CNTN6: variants seen among roughly 807,000 people sequenced by gnomAD.
CNTN6 encodes contactin 6, also known as contactin-6.
A neutral mutation model predicts 122.8 loss-of-function variants in CNTN6; 137 were observed. That is an observed-to-expected ratio of 1.12 (90% CI 0.97 to 1.29). The LOEUF (loss-of-function observed/expected upper bound fraction) is 1.29, where lower values mean the gene tolerates loss of function less well. Ranked by LOEUF, CNTN6 falls within the 50% of genes most tolerant of loss-of-function variation. CNTN6 has a pLI of 0.00. For synonymous variants in CNTN6, 570 were observed against 426.0 expected, an observed-to-expected ratio of 1.34 and a Z score of -4.16; for missense variants, 1,634 against 1,223.4, an observed-to-expected ratio of 1.34 and a Z score of -5.01.
At chr3:1,181,103 G>C (rs1396030403) in intron 2 of CNTN6, among the ~76,000 whole-genome samples, 1 of 152,078 alleles carries the variant, frequency 6.6e-6, no homozygotes, top group Non-Finnish European at 1.5e-5. Context: ...TCCCTGCCTA[G>C]TGTATGACCT....
intron 20 of CNTN6, among the ~76,000 whole-genome samples, chr3:1,386,877 G>C (rs370235687): frequency 1.3e-5 from 2 of 152,088 alleles, no homozygotes; most frequent in African/African-American, 4.8e-5. Flanking sequence ...TGAAAATAAA[G>C]TTATATTAAA....
chr3:1,325,683 C>T (rs756578900), intron 8 of CNTN6, 132 bp from the exon 9 acceptor site: 124 of 798,688 alleles, frequency 1.6e-4, no homozygotes, highest in Middle Eastern at 2.5e-4. Context: ...TCCCCTCCCT[C>T]AAATCGTGTG....
intron 4 of CNTN6, among the ~76,000 whole-genome samples, chr3:1,243,266 T>A (rs1326439442): frequency 4.6e-5 from 7 of 152,168 alleles, no homozygotes; most frequent in Non-Finnish European, 8.8e-5. Flanking sequence ...TTTCTGGCAC[T>A]TGTAGCAAGC....
rs552295885 is a variant in CNTN6, at chr3:1,308,047, GAAT to G, written c.761+10060_761+10062del. Among the ~76,000 whole-genome samples the G allele has an allele frequency of 5.7e-3, 869 of 152,178 alleles. 4 individuals are homozygous for G. The highest frequency in any genetic ancestry group is 6.9e-3 in the Admixed American group (105 of 15,266). On this transcript the variant is annotated intron_variant, in intron 7 of 22. Transcript: ENST00000446702. ...AGAGTGTTGTGCTTCACCTTCTGCA[GAAT>G]AATGAGACTATAGAATTCTTCTACC...
At chr3:1,335,222 G>A (rs531001266) in intron 11 of CNTN6, among the ~76,000 whole-genome samples, 5 of 152,204 alleles carry the variant, frequency 3.3e-5, no homozygotes, top group African/African-American at 7.2e-5. Context: ...TTTTATGTCC[G>A]GAATGACAGG....
intron 5 of CNTN6, among the ~76,000 whole-genome samples, chr3:1,294,630 G>A (rs1456781983): frequency 6.6e-6 from 1 of 152,150 alleles, no homozygotes; most frequent in African/African-American, 2.4e-5. Flanking sequence ...TTGATGTTCA[G>A]TAAAAACAAT....
At chr3:1,153,883 G>C (rs910721377) in intron 2 of CNTN6, among the ~76,000 whole-genome samples, 1 of 152,152 alleles carries the variant, frequency 6.6e-6, no homozygotes, top group African/African-American at 2.4e-5. Context: ...AGCACATACT[G>C]GATATTCCTT....
At chr3:1,239,121 C>A (rs1403761771) in intron 4 of CNTN6, among the ~76,000 whole-genome samples, 1 of 152,114 alleles carries the variant, frequency 6.6e-6, no homozygotes, top group African/African-American at 2.4e-5. Flanking sequence ...GATAGGGATG[C>A]CCACTTTCAC....
At chr3:1,343,511 G>A (rs938643763) in intron 11 of CNTN6, among the ~76,000 whole-genome samples, 2 of 152,064 alleles carry the variant, frequency 1.3e-5, no homozygotes, top group Non-Finnish European at 2.9e-5. Flanking sequence ...ATCGCTTTCT[G>A]TTAGGGGACT....
chr3:1,241,426 G>C (rs1467273927), intron 4 of CNTN6, among the ~76,000 whole-genome samples: 1 of 151,986 alleles, frequency 6.6e-6, no homozygotes, highest in Non-Finnish European at 1.5e-5. Context: ...CTTGTGGTGA[G>C]GGGTGATATT....
chr3:1,285,133 G>A (rs1208956208), intron 5 of CNTN6, among the ~76,000 whole-genome samples: 1 of 152,168 alleles, frequency 6.6e-6, no homozygotes, highest in Non-Finnish European at 1.5e-5. Flanking sequence ...GAGAGAGAAT[G>A]GTGACTTGGA....
At chr3:1,298,142 C>G (rs1223580793) in intron 7 of CNTN6, 151 bp downstream of exon 7, 2 of 603,560 alleles carry the variant, frequency 3.3e-6, no homozygotes, top group Non-Finnish European at 5.8e-6. Context: ...TGAATTTAAA[C>G]AAACATGTCT....
intron 20 of CNTN6, among the ~76,000 whole-genome samples, chr3:1,396,903 A>G (rs750591071): frequency 7.2e-5 from 11 of 152,202 alleles, no homozygotes; most frequent in Non-Finnish European, 5.9e-5. Flanking sequence ...GTGGTGACTG[A>G]AAAAATTCTG....
At chr3:1,135,613 CT>C (rs987529952) in intron 1 of CNTN6, among the ~76,000 whole-genome samples, 5 of 152,140 alleles carry the variant, frequency 3.3e-5, no homozygotes, top group Non-Finnish European at 7.4e-5. Context: ...CATAAATACA[CT>C]GTATATACAC....
chr3:1,098,645 A>G (rs1224106779), intron 1 of CNTN6, among the ~76,000 whole-genome samples: 1 of 151,150 alleles, frequency 6.6e-6, no homozygotes, highest in Non-Finnish European at 1.5e-5. Context: ...TAAACTCAAC[A>G]TCATGTCTGC....
At chr3:1,150,765 C>T (rs1265143376) in intron 2 of CNTN6, among the ~76,000 whole-genome samples, 1 of 152,040 alleles carries the variant, frequency 6.6e-6, no homozygotes, top group African/African-American at 2.4e-5. Context: ...CTACTTGATA[C>T]AGTAAAGTGG....
rs374599521 is a variant in CNTN6, at chr3:1,227,969, C to T, written c.334C>T (p.Arg112Trp). The change falls in exon 4 of 23, where the codon CGG (arginine) becomes TGG (tryptophan). Residue 112 changes from arginine (R) to tryptophan (W), a missense_variant. Transcript: ENST00000446702. ...CAATCTTCTGGGGACAATTCTGAGT[C>T]GGAAGGCAAAGCTCCAATTTGCATG... ...ATNLLGTILS[R>W]KAKLQFAYIE... The T allele has an allele frequency of 1.1e-5, 18 of 1,613,172 alleles. No individual in the cohort carries two copies. Among genetic ancestry groups the T allele is most frequent in the South Asian group, 9.9e-5 (9 of 90,854 alleles).
At chr3:1,095,957 T>G (rs529220072) in intron 1 of CNTN6, among the ~76,000 whole-genome samples, 67 of 152,306 alleles carry the variant, frequency 4.4e-4, no homozygotes, top group African/African-American at 1.5e-3. Context: ...AATTATTTTT[T>G]GGGTTGTTAG....
intron 4 of CNTN6, among the ~76,000 whole-genome samples, chr3:1,266,343 A>G (rs1343760614): frequency 6.6e-6 from 1 of 152,146 alleles, no homozygotes; most frequent in Non-Finnish European, 1.5e-5. Context: ...AGAAAATTCA[A>G]CGGAAAAATG....
Sources: allele counts gnomAD v4.1 joint callset (sites outside exome capture counted in the v4.1 genomes callset), GRCh38; gene constraint gnomAD v4.1.1; transcripts MANE v1.5; gene names NCBI Gene and HGNC (gene_info 2026-07-23, HGNC 2026-07-21).